The following KAZN variants were observed in gnomAD, a reference collection of about 807,000 sequenced individuals.
The protein encoded by KAZN is kazrin.
A neutral mutation model predicts 87.4 loss-of-function variants in KAZN; 40 were observed. That is an observed-to-expected ratio of 0.46 (90% CI 0.36 to 0.60). KAZN has a LOEUF of 0.60. Among genes scored for constraint, KAZN ranks in the 20% least tolerant of loss-of-function variants. The pLI is 0.00. For synonymous variants in KAZN, 466 were observed against 458.3 expected (o/e 1.02, Z -0.22); for missense variants, 898 against 1,073.9 (o/e 0.84, Z 2.29).
intron 12 of KAZN, 60 bp downstream of exon 12, chr1:15,103,520 T>A (rs985129373): frequency 4.7e-6 from 5 of 1,066,660 alleles, no homozygotes; most frequent in Non-Finnish European, 7.0e-6. Context: ...CATGCAAATC[T>A]ATATGCAAAT....
At chr1:14,514,748 T>A (rs1293686481) in intron 2 of KAZN, among the ~76,000 whole-genome samples, 10 of 150,350 alleles carry the variant, frequency 6.7e-5, no homozygotes, top group Non-Finnish European at 1.3e-4. Flanking sequence ...CCACTAGTTA[T>A]ACGGTCTTGA....
intron 2 of KAZN, among the ~76,000 whole-genome samples, chr1:14,338,485 AGAG>A (rs374883491): frequency 0.14 from 18,093 of 127,584 alleles, 1,311 homozygotes; most frequent in South Asian, 0.31. Flanking sequence ...ACTCCATCTT[AGAG>A]AAAAAAAAAA....
Position 14,599,254 on chromosome 1 carries a change from A to G in KAZN, c.226+31A>G, listed in dbSNP as rs1676754336. 1.5e-6 allele frequency: 2 copies of G among 1,340,776 alleles called. No homozygotes were observed. The highest frequency in any genetic ancestry group is 1.9e-6 in the Non-Finnish European group (2 of 1,050,676). 83.1% of individuals were successfully genotyped at this position (1,340,776 alleles called of 1,614,324 possible). ...ATCGCCCCGGCGCCCAGGGCGGAGG[A>G]AGGCGAGCAGAGCACGCCCGGCCTC... On this transcript the variant is annotated intron_variant, in intron 1 of 14. Transcript: ENST00000376030. The surrounding 1 kb of genome is among the most constrained non-coding windows in gnomAD (Gnocchi z 4.4).
chr1:14,971,155 T>C (rs1664983271), intron 2 of KAZN, among the ~76,000 whole-genome samples: 1 of 152,192 alleles, frequency 6.6e-6, no homozygotes, highest in Non-Finnish European at 1.5e-5. Flanking sequence ...ATACCATCAC[T>C]TTGAGAGGCC....
At chr1:14,846,021 T>C (rs1372334256) in intron 1 of KAZN, among the ~76,000 whole-genome samples, 2 of 152,206 alleles carry the variant, frequency 1.3e-5, no homozygotes, top group African/African-American at 4.8e-5. Flanking sequence ...ATTTATGTCA[T>C]GCTCCATCGT....
chr1:14,054,929 G>A lies in KAZN; in HGVS notation c.92-125506G>A, dbSNP rs570682637. ...AGTCTGGCTCTAGAGCAGATGTCTCGACCTCAGCTCCATTGACATTTTGGG... is the reference window on the plus strand; with the variant it reads ...AGTCTGGCTCTAGAGCAGATGTCTCAACCTCAGCTCCATTGACATTTTGGG... On this transcript the variant is annotated intron_variant, in intron 1 of 16. Coordinates refer to the KAZN transcript ENST00000636203. 7.9e-5 allele frequency among the ~76,000 whole-genome samples: 12 copies of A among 152,270 alleles called. No individual in the cohort carries two copies. The East Asian group carries it at 1.9e-3, about 24-fold the overall frequency.
chr1:14,384,654 C>G (rs1347201015), intron 2 of KAZN, among the ~76,000 whole-genome samples: 1 of 152,082 alleles, frequency 6.6e-6, no homozygotes, highest in Non-Finnish European at 1.5e-5. Context: ...CCTTGCATCC[C>G]AGGGATGAAG....
intron 1 of KAZN, among the ~76,000 whole-genome samples, chr1:13,987,868 T>A (rs1167585951): frequency 6.6e-6 from 1 of 152,216 alleles, no homozygotes; most frequent in African/African-American, 2.4e-5. Context: ...GAACAGAGAT[T>A]AATTTTTTTA....
At chr1:14,139,835 C>T (rs572499149) in intron 1 of KAZN, among the ~76,000 whole-genome samples, 3 of 152,076 alleles carry the variant, frequency 2.0e-5, no homozygotes, top group Non-Finnish European at 4.4e-5. Flanking sequence ...CAGATTTTCT[C>T]TAAAATTCTT....
rs192306820 is a variant in KAZN, at chr1:14,926,171, A to G, written c.227-34513A>G. ...ATTAGATTGTGGCGCTCTCTGCTCCATCTCCACCCTCATGAACTATGTCAA... is the reference window on the plus strand; with the variant it reads ...ATTAGATTGTGGCGCTCTCTGCTCCGTCTCCACCCTCATGAACTATGTCAA... On this transcript the variant is annotated intron_variant, in intron 1 of 14. Coordinates refer to ENST00000376030, the MANE Select transcript of KAZN (RefSeq NM_201628.3). Among the ~76,000 whole-genome samples the G allele has an allele frequency of 7.2e-5, 11 of 152,308 alleles. No individual in the cohort carries two copies. The East Asian group carries it at 9.6e-4, about 13-fold the overall frequency.
chr1:14,654,841 A>G (rs1360424216), intron 1 of KAZN, among the ~76,000 whole-genome samples: 1 of 152,210 alleles, frequency 6.6e-6, no homozygotes, highest in Non-Finnish European at 1.5e-5. Context: ...CAGGGATGCC[A>G]GCCTGGCCCA....
intron 2 of KAZN, among the ~76,000 whole-genome samples, chr1:14,421,883 C>G (rs945369703): frequency 6.6e-6 from 1 of 152,270 alleles, no homozygotes; most frequent in East Asian, 1.9e-4. Context: ...AAACTCTTCC[C>G]CTTGTCTGAA....
chr1:15,036,752 G>C (rs903756869), intron 3 of KAZN, among the ~76,000 whole-genome samples: 1 of 152,162 alleles, frequency 6.6e-6, no homozygotes, highest in African/African-American at 2.4e-5. Flanking sequence ...GATGATGCAG[G>C]TACACGTGTG....
Position 14,981,166 on chromosome 1 carries a change from C to T in KAZN, c.418+20291C>T, listed in dbSNP as rs374434007. On this transcript the variant is annotated intron_variant, in intron 2 of 14. Transcript: ENST00000376030. ...TTAGGAGCTGGAGGCCCAGCCTTGC[C>T]GGGAAAGTGGTGTGCCACAGCATAG... 1.0e-3 allele frequency among the ~76,000 whole-genome samples: 154 copies of T among 152,234 alleles called. 5 individuals are homozygous for T. The South Asian group carries it at 0.028, about 28-fold the overall frequency.
chr1:14,900,533 C>T (rs1231233956), intron 1 of KAZN, among the ~76,000 whole-genome samples: 1 of 152,082 alleles, frequency 6.6e-6, no homozygotes, highest in African/African-American at 2.4e-5. Context: ...GCGGGTGGAT[C>T]ATGAGGTCAG....
At chr1:14,591,714 T>C (rs1037456878) in intron 2 of KAZN, among the ~76,000 whole-genome samples, 1 of 152,174 alleles carries the variant, frequency 6.6e-6, no homozygotes, top group African/African-American at 2.4e-5. Flanking sequence ...GATGAGAGAT[T>C]GCTTGGGAAG....
At chr1:14,189,828 A>G (rs1327580157) in intron 2 of KAZN, among the ~76,000 whole-genome samples, 2 of 152,146 alleles carry the variant, frequency 1.3e-5, no homozygotes, top group East Asian at 3.8e-4. Context: ...CACACAAACA[A>G]ATCAGCACAA....
At chr1:14,390,019 AAAGT>A (rs1326598745) in intron 2 of KAZN, among the ~76,000 whole-genome samples, 3 of 152,354 alleles carry the variant, frequency 2.0e-5, no homozygotes, top group South Asian at 2.1e-4. Context: ...AAAATTAAAA[AAAGT>A]AAGTGGATCA....
intron 2 of KAZN, among the ~76,000 whole-genome samples, chr1:14,514,133 A>T (rs1671073641): frequency 6.8e-6 from 1 of 148,140 alleles, no homozygotes; most frequent in South Asian, 2.2e-4. Flanking sequence ...ACCCTGGCTA[A>T]CACAGTGAAA....
Sources: allele counts gnomAD v4.1 joint callset (sites outside exome capture counted in the v4.1 genomes callset), GRCh38; gene constraint gnomAD v4.1.1; non-coding constraint Gnocchi (gnomAD v3.1); transcripts MANE v1.5; gene names NCBI Gene and HGNC (gene_info 2026-07-23, HGNC 2026-07-21).